Variants in SSH1 observed in about 807,000 individuals in gnomAD.
SSH1 encodes the protein protein phosphatase Slingshot homolog 1.
In SSH1, 43 loss-of-function variants were observed where a neutral mutation model predicts 79.7. That is an observed-to-expected ratio of 0.54 (90% CI 0.42 to 0.70). The LOEUF (loss-of-function observed/expected upper bound fraction) is 0.70. Among genes scored for constraint, SSH1 ranks in the 30% least tolerant of loss-of-function variants. The pLI is 0.00. For missense variants in SSH1, 1,206 were observed against 1,358.8 expected (o/e 0.89, Z 1.77); for synonymous variants, 599 against 538.3 (o/e 1.11, Z -1.56).
rs1188466575 is a variant in SSH1, at chr12:108,786,786, T to C, written c.*1202A>G. 1.3e-5 allele frequency: 2 copies of C among 152,220 alleles called. No homozygotes were observed. The highest frequency in any genetic ancestry group is 4.8e-5 in the African/African-American group (2 of 41,448). 9.4% of individuals were successfully genotyped at this position (152,220 alleles called of 1,614,324 possible). A position where few individuals can be genotyped will look rare whatever the true frequency, so the allele number is the denominator to read the frequency against. ...TCTGCAAGCTGCCTCTCTCTCGAAA[T>C]GTTTTGACATCTAGCTTGCTGACAC... On this transcript the variant is annotated 3_prime_UTR_variant, in exon 15 of 15. Coordinates refer to ENST00000326495, the MANE Select transcript of SSH1 (RefSeq NM_018984.4).
At position 108,812,313 on chromosome 12, in the gene SSH1, T is replaced by C. The variant is rs563324706; in HGVS notation, c.402-985A>G. The stretch of plus-strand genomic sequence containing the variant: ...CACAGAGCTCTAGGGACCACGTGGC[T>C]GTGTCAGCCCCAGGAGGAGGCAAGG... On this transcript the variant is annotated intron_variant, in intron 5 of 14. Coordinates refer to ENST00000326495, the MANE Select transcript of SSH1 (RefSeq NM_018984.4). 4.6e-5 allele frequency among the ~76,000 whole-genome samples: 7 copies of C among 152,356 alleles called. No individual in the cohort carries two copies. The South Asian group carries it at 1.2e-3, about 27-fold the overall frequency.
intron 9 of SSH1, among the ~76,000 whole-genome samples, chr12:108,805,453 A>T (rs1037449806): frequency 2.0e-5 from 3 of 152,270 alleles, no homozygotes; most frequent in Non-Finnish European, 4.4e-5. Context: ...TACCAAGTTT[A>T]AACTTACTTT....
chr12:108,806,039 C>T (rs1022515176), intron 9 of SSH1, among the ~76,000 whole-genome samples: 7 of 151,964 alleles, frequency 4.6e-5, no homozygotes, highest in Admixed American at 2.6e-4. Flanking sequence ...TCCCCAAAGG[C>T]CATATAGGTG....
At chr12:108,851,425 T>C (rs768365945) in intron 2 of SSH1, among the ~76,000 whole-genome samples, 20 of 152,208 alleles carry the variant, frequency 1.3e-4, no homozygotes, top group Non-Finnish European at 2.4e-4. Context: ...TCCAATTAAT[T>C]TTCCTTCCCC....
In SSH1 at chr12:108,783,982, C is replaced by T. The variant is rs897458578; in HGVS notation, c.*4006G>A. 2 of 152,178 alleles carry T rather than the reference C, an allele frequency of 1.3e-5. No individual in the cohort carries two copies. The highest frequency in any genetic ancestry group is 1.3e-4 in the Admixed American group (2 of 15,284). The allele number at this position is 152,178 out of a possible 1,614,324, so 9.4% of individuals were successfully genotyped here. On this transcript the variant is annotated 3_prime_UTR_variant, in exon 15 of 15. Transcript: ENST00000326495. ...TGAAGGGGGTCCCCTCGCTGAGTTG[C>T]GTGTTTAGAGGAGCCCTGCTAGGTG...
chr12:108,852,369 C>G (rs905305286), intron 2 of SSH1, among the ~76,000 whole-genome samples: 3 of 151,778 alleles, frequency 2.0e-5, no homozygotes, highest in African/African-American at 7.3e-5. Context: ...GCTGGGACTA[C>G]AAGCACACAC....
Position 108,807,867 on chromosome 12 carries a change from CA to C in SSH1, c.537-41del. ...AGACAGGGTCAGGCCTGGGAAGGCA[CA>C]AGAGATGCAGGGTTTTCTCCTCTGA... On this transcript the variant is annotated intron_variant, in intron 7 of 14. Transcript: ENST00000326495. This position sits in a 1 kb window ranked among gnomAD's most constrained non-coding sequence, Gnocchi z 5.2. 1 of 1,594,652 alleles carries C rather than the reference CA, an allele frequency of 6.3e-7. No individual in the cohort carries two copies. The highest frequency in any genetic ancestry group is 8.6e-7 in the Non-Finnish European group (1 of 1,164,216).
chr12:108,839,391 C>A (rs1478399722), intron 2 of SSH1, among the ~76,000 whole-genome samples: 4 of 152,180 alleles, frequency 2.6e-5, no homozygotes, highest in Admixed American at 2.0e-4. Flanking sequence ...ACAGACACAG[C>A]GTGGCACGGG....
At chr12:108,808,821 CTTTTTTTTTTTT>C (rs148110288) in intron 7 of SSH1, among the ~76,000 whole-genome samples, 5 of 80,274 alleles carry the variant, frequency 6.2e-5, no homozygotes, top group Middle Eastern at 8.3e-3. Context: ...TCTTTTACTT[CTTTTTTTTTTTT>C]TTTTTTTTTT....
chr12:108,815,541 G>A (rs7308922), intron 5 of SSH1, among the ~76,000 whole-genome samples: 7,401 of 152,268 alleles, frequency 0.049, 266 homozygotes, highest in South Asian at 0.12. Context: ...AATTACAACC[G>A]CAAGACGGTC....
At chr12:108,823,675 CT>C (rs577280219) in intron 2 of SSH1, among the ~76,000 whole-genome samples, 202 of 149,250 alleles carry the variant, frequency 1.4e-3, no homozygotes, top group Non-Finnish European at 2.3e-3. Context: ...TTTCTTCTTT[CT>C]TTTTTTTTTG....
chr12:108,787,672 C>T lies in SSH1; in HGVS notation c.*316G>A. The stretch of plus-strand genomic sequence containing the variant: ...TTCTGCAGGATGCGAAGGGAACAGT[C>T]TGGATGTGTGCGCCTATGTGTGCAC... On this transcript the variant is annotated 3_prime_UTR_variant, in exon 15 of 15. Coordinates refer to ENST00000326495, the MANE Select transcript of SSH1 (RefSeq NM_018984.4). 1 of 415,684 alleles carries T rather than the reference C, an allele frequency of 2.4e-6. No individual in the cohort carries two copies. The highest frequency in any genetic ancestry group is 2.2e-5 in the South Asian group (1 of 45,540). 25.7% of individuals were successfully genotyped at this position (415,684 alleles called of 1,614,324 possible).
rs978047164 is a variant in SSH1, at chr12:108,779,337, A to G, written c.*8651T>C. The G allele has an allele frequency of 6.6e-6, 1 of 152,204 alleles. No homozygotes were observed. Among genetic ancestry groups the G allele is most frequent in the African/African-American group, 2.4e-5 (1 of 41,450 alleles). The allele number at this position is 152,204 out of a possible 1,614,324, so 9.4% of individuals were successfully genotyped here. A position where few individuals can be genotyped will look rare whatever the true frequency, so the allele number is the denominator to read the frequency against. The stretch of plus-strand genomic sequence containing the variant: ...TGTCACCCCAATAGCCTTTGGAGCA[A>G]GAAGTGGGTCCAATTTCCCAGGGGC... On this transcript the variant is annotated 3_prime_UTR_variant, in exon 15 of 15. Coordinates refer to ENST00000326495, the MANE Select transcript of SSH1 (RefSeq NM_018984.4).
At chr12:108,836,303 C>A (rs1375921306) in intron 2 of SSH1, among the ~76,000 whole-genome samples, 1 of 152,062 alleles carries the variant, frequency 6.6e-6, no homozygotes. Context: ...CCTAATTCTG[C>A]CCATTGAGAG....
At position 108,788,355 on chromosome 12, in the gene SSH1, A is replaced by G. The variant is rs1177909713; in HGVS notation, c.2783T>C (p.Met928Thr). The change falls in exon 15 of 15, where the codon ATG (methionine) becomes ACG (threonine). Residue 928 changes from methionine (M) to threonine (T), a missense_variant. By Grantham distance (81) the Met-to-Thr change is moderately conservative. Around this residue, in one of 5 missense-constraint regions of SSH1, gnomAD observed 709 missense variants for 730.6 expected, o/e 0.97. Transcript: ENST00000326495. Reference sequence around the variant, plus strand: ...GGAGCTCCGGGTCAGGTTGGAGCTCATGGAAGAGGAGGTGGGGGTGTAGCA... The same window carrying G: ...GGAGCTCCGGGTCAGGTTGGAGCTCGTGGAAGAGGAGGTGGGGGTGTAGCA... ...TICYTPTSSSMSSNLTRSSSS... is the reference protein window; with the variant it reads ...TICYTPTSSSTSSNLTRSSSS... 4 of 1,613,116 alleles carry G rather than the reference A, an allele frequency of 2.5e-6. No homozygotes were observed. Among genetic ancestry groups the G allele is most frequent in the South Asian group, 2.2e-5 (2 of 91,070 alleles).
rs1015862811 is a variant in SSH1 at position 108,807,937 on chromosome 12, GTTGA to G, written c.537-114_537-111del. ...GGAAGGGAAGGGCAATGATTGATTG[GTTGA>G]TTATTTCTTTTTGGGACAGAGTCTC... On this transcript the variant is annotated intron_variant, in intron 7 of 14. Transcript: ENST00000326495. The surrounding 1 kb of genome is among the most constrained non-coding windows in gnomAD (Gnocchi z 5.2). 6 of 980,352 alleles carry G rather than the reference GTTGA, an allele frequency of 6.1e-6. No homozygotes were observed. Among genetic ancestry groups the G allele is most frequent in the Non-Finnish European group, 9.4e-6 (6 of 635,128 alleles). The allele number at this position is 980,352 out of a possible 1,614,324, so 60.7% of individuals were successfully genotyped here.
intron 13 of SSH1, among the ~76,000 whole-genome samples, chr12:108,794,988 A>G (rs572587649): frequency 6.6e-6 from 1 of 152,272 alleles, no homozygotes; most frequent in South Asian, 2.1e-4. Context: ...AGATTCACTG[A>G]GCCAGATGAA....
rs1226863341 is a variant in SSH1, at chr12:108,840,536, AAAG to A, written c.110+12099_110+12101del. Among the ~76,000 whole-genome samples, 6 of 152,028 alleles carry A rather than the reference AAAG, an allele frequency of 3.9e-5. No individual in the cohort carries two copies. In the East Asian group the frequency reaches 1.2e-3, roughly 29 times the overall value. On this transcript the variant is annotated intron_variant, in intron 2 of 14. Coordinates refer to ENST00000326495, the MANE Select transcript of SSH1 (RefSeq NM_018984.4). ...TGACGGAGCAAGACTGTCTCAAAAAAAAGAAAAAAAAAAAGAAAATGGCTCCTC... is the reference window on the plus strand; with the variant it reads ...TGACGGAGCAAGACTGTCTCAAAAAAAAAAAAAAAAAGAAAATGGCTCCTC...
intron 10 of SSH1, among the ~76,000 whole-genome samples, chr12:108,804,269 A>C (rs2037163394): frequency 6.6e-6 from 1 of 152,190 alleles, no homozygotes; most frequent in African/African-American, 2.4e-5. Context: ...TAGGATGAAG[A>C]AAAAAAGAGG....
Sources: allele counts gnomAD v4.1 joint callset (sites outside exome capture counted in the v4.1 genomes callset), GRCh38; gene constraint gnomAD v4.1.1; regional missense constraint gnomAD v4.1.1; non-coding constraint Gnocchi (gnomAD v3.1); transcripts MANE v1.5; gene names NCBI Gene and HGNC (gene_info 2026-07-23, HGNC 2026-07-21).